The following PAPPA2 variants were observed in gnomAD, a reference collection of about 807,000 sequenced individuals.
The protein encoded by PAPPA2 is pappalysin-2.
Under a neutral mutation model 176.4 loss-of-function variants are expected in PAPPA2, and 86 were observed. The observed-to-expected ratio is 0.49, with a 90% CI of 0.41 to 0.58. The LOEUF (loss-of-function observed/expected upper bound fraction) is 0.58, where lower values mean the gene tolerates loss of function less well. Among genes scored for constraint, PAPPA2 ranks in the 20% least tolerant of loss-of-function variants. The pLI, the probability that PAPPA2 is intolerant of heterozygous loss-of-function variation, is 0.00. For missense variants in PAPPA2, 2,073 were observed against 2,256.9 expected, an observed-to-expected ratio of 0.92 and a Z score of 1.65; for synonymous variants, 809 against 852.2, an observed-to-expected ratio of 0.95 and a Z score of 0.88.
rs573131618 is a variant in PAPPA2, at chr1:176,646,103, A to T, written c.1992-24867A>T. 2.0e-5 allele frequency among the ~76,000 whole-genome samples: 3 copies of T among 151,340 alleles called. No individual in the cohort carries two copies. In the East Asian group the frequency reaches 5.9e-4, roughly 30 times the overall value. ...AAGTTTTTTAGTTTGATGTAGTCCC[A>T]TTTGTCTATTTTTGCTTTGGTTGCC... On this transcript the variant is annotated intron_variant, in intron 3 of 22. Coordinates refer to ENST00000367662, the MANE Select transcript of PAPPA2 (RefSeq NM_020318.3).
chr1:176,672,275 T>C (rs1005057337), intron 4 of PAPPA2, among the ~76,000 whole-genome samples: 1 of 152,030 alleles, frequency 6.6e-6, no homozygotes, highest in South Asian at 2.1e-4. Context: ...TTAAAATAAG[T>C]TACCAAAATT....
chr1:176,564,833 C>T (rs187004583), intron 2 of PAPPA2, among the ~76,000 whole-genome samples: 10 of 150,726 alleles, frequency 6.6e-5, no homozygotes, highest in African/African-American at 2.2e-4. Context: ...CTTATCTCAA[C>T]CTATTATCTC....
At chr1:176,551,229 G>T (rs1461964680) in intron 1 of PAPPA2, among the ~76,000 whole-genome samples, 1 of 152,220 alleles carries the variant, frequency 6.6e-6, no homozygotes, top group Non-Finnish European at 1.5e-5. Context: ...AAATCTTTCA[G>T]AGAAGCTCCC....
chr1:176,801,995 G>A (rs1390898500), intron 21 of PAPPA2, among the ~76,000 whole-genome samples: 1 of 152,056 alleles, frequency 6.6e-6, no homozygotes, highest in Admixed American at 6.6e-5. Flanking sequence ...CTGCCTAACT[G>A]CTACCAGGCA....
At chr1:176,515,764 C>A (rs75408949) in intron 1 of PAPPA2, among the ~76,000 whole-genome samples, 1 of 152,062 alleles carries the variant, frequency 6.6e-6, no homozygotes, top group Admixed American at 6.6e-5. Flanking sequence ...TTCCTTACCA[C>A]TCCATCTTCC....
chr1:176,765,195 G>C (rs1328774911), intron 14 of PAPPA2, among the ~76,000 whole-genome samples: 1 of 152,196 alleles, frequency 6.6e-6, no homozygotes, highest in Admixed American at 6.5e-5. Context: ...AGGCCCTTCA[G>C]ACATGGCCTT....
At chr1:176,772,853 T>A (rs1664296133) in intron 17 of PAPPA2, among the ~76,000 whole-genome samples, 1 of 152,156 alleles carries the variant, frequency 6.6e-6, no homozygotes, top group Admixed American at 6.5e-5. Flanking sequence ...TTTCTTGCTT[T>A]TTTTCTCTCT....
intron 3 of PAPPA2, among the ~76,000 whole-genome samples, chr1:176,619,513 T>A (rs887814673): frequency 6.6e-5 from 10 of 152,218 alleles, no homozygotes; most frequent in African/African-American, 2.2e-4. Context: ...ATGTCTACTA[T>A]GGATACAGGA....
At chr1:176,726,881 A>G (rs1248821320) in intron 12 of PAPPA2, among the ~76,000 whole-genome samples, 1 of 152,208 alleles carries the variant, frequency 6.6e-6, no homozygotes, top group Non-Finnish European at 1.5e-5. Flanking sequence ...GAGCAGCCTT[A>G]ATGTTAGACT....
chr1:176,690,374 C>A lies in PAPPA2; in HGVS notation c.2375C>A (p.Thr792Asn), dbSNP rs148196271. The A allele has an allele frequency of 6.2e-7, 1 of 1,614,054 alleles. No homozygotes were observed. Among genetic ancestry groups the A allele is most frequent in the Non-Finnish European group, 8.5e-7 (1 of 1,180,036 alleles). ...LCREPEPTSD[T>N]CGFTRFPGAP... ...CGGGAACCAGAGCCCACTAGTGACA[C>A]CTGTGGCTTCACTCGCTTCCCAGGG... The change falls in exon 5 of 23, where the codon ACC (threonine) becomes AAC (asparagine). Residue 792 changes from threonine (T) to asparagine (N), a missense_variant. Physicochemically the swap from Thr to Asn is moderately conservative, Grantham distance 65. Coordinates refer to ENST00000367662, the MANE Select transcript of PAPPA2 (RefSeq NM_020318.3).
chr1:176,619,509 A>G (rs1655465483), intron 3 of PAPPA2, among the ~76,000 whole-genome samples: 1 of 152,196 alleles, frequency 6.6e-6, no homozygotes, highest in Non-Finnish European at 1.5e-5. Flanking sequence ...AACAATGTCT[A>G]CTATGGATAC....
At chr1:176,806,102 C>T (rs1343839219) in intron 21 of PAPPA2, among the ~76,000 whole-genome samples, 1 of 151,206 alleles carries the variant, frequency 6.6e-6, no homozygotes, top group Non-Finnish European at 1.5e-5. Context: ...ATCCTTGGGG[C>T]TACCAATGCA....
chr1:176,629,221 G>A (rs1656204114), intron 3 of PAPPA2, among the ~76,000 whole-genome samples: 1 of 152,168 alleles, frequency 6.6e-6, no homozygotes, highest in Non-Finnish European at 1.5e-5. Flanking sequence ...CCCATCAATT[G>A]TTTAGAATAT....
chr1:176,508,546 A>C (rs1648423186), intron 1 of PAPPA2, among the ~76,000 whole-genome samples: 1 of 152,152 alleles, frequency 6.6e-6, no homozygotes, highest in Non-Finnish European at 1.5e-5. Flanking sequence ...GAAAACATAA[A>C]TGAAAACTAT....
chr1:176,723,958 G>A (rs1260540119), intron 12 of PAPPA2, among the ~76,000 whole-genome samples: 1 of 152,096 alleles, frequency 6.6e-6, no homozygotes, highest in East Asian at 1.9e-4. Flanking sequence ...TTACAGGTGA[G>A]TAAAATAAGA....
At chr1:176,610,310 A>C (rs905137507) in intron 3 of PAPPA2, among the ~76,000 whole-genome samples, 3 of 147,872 alleles carry the variant, frequency 2.0e-5, no homozygotes, top group African/African-American at 7.4e-5. Context: ...GGTACTCAGA[A>C]TTGCCTGCTG....
chr1:176,722,619 G>A (rs543298761), intron 12 of PAPPA2, among the ~76,000 whole-genome samples: 24 of 151,806 alleles, frequency 1.6e-4, no homozygotes, highest in Middle Eastern at 3.4e-3. Context: ...TTTTTATACC[G>A]TTATTTTGCA....
chr1:176,712,156 C>G (rs537720713), intron 12 of PAPPA2, among the ~76,000 whole-genome samples, 175 bp downstream of exon 12: 60 of 152,134 alleles, frequency 3.9e-4, no homozygotes, highest in African/African-American at 1.3e-3. Flanking sequence ...TTGTGGACTT[C>G]TTTCTGTTAA....
intron 14 of PAPPA2, among the ~76,000 whole-genome samples, chr1:176,745,947 A>G (rs528606043): frequency 2.6e-5 from 4 of 152,346 alleles, no homozygotes; most frequent in African/African-American, 9.6e-5. Context: ...GAGTCTCCCC[A>G]CTGGGCACTA....
Sources: allele counts gnomAD v4.1 joint callset (sites outside exome capture counted in the v4.1 genomes callset), GRCh38; gene constraint gnomAD v4.1.1; transcripts MANE v1.5; gene names NCBI Gene and HGNC (gene_info 2026-07-23, HGNC 2026-07-21).